The following ATG10 variants were observed in gnomAD, a reference collection of about 807,000 sequenced individuals.
ATG10 encodes the protein ubiquitin-like-conjugating enzyme ATG10.
Under a neutral mutation model 32.1 loss-of-function variants are expected in ATG10, and 30 were observed. The observed-to-expected ratio is 0.94, with a 90% CI of 0.70 to 1.27. The LOEUF is 1.27. ATG10 is among the 50% of genes most tolerant of loss of function. The pLI, the probability that ATG10 is intolerant of heterozygous loss-of-function variation, is 0.00. For synonymous variants in ATG10, 87 were observed against 91.5 expected (o/e 0.95, Z 0.28); for missense variants, 233 against 262.3 (o/e 0.89, Z 0.77).
chr5:82,044,229 C>T (rs184691028), intron 2 of ATG10, among the ~76,000 whole-genome samples: 3 of 152,084 alleles, frequency 2.0e-5, no homozygotes, highest in Admixed American at 1.3e-4. Flanking sequence ...GGAGAGAGAG[C>T]GAGCAAAGGG....
chr5:81,975,957 A>T (rs1035721746), intron 1 of ATG10, among the ~76,000 whole-genome samples: 3 of 151,720 alleles, frequency 2.0e-5, no homozygotes, highest in Admixed American at 2.0e-4. Flanking sequence ...TTATACTGAA[A>T]ATATACTGTG....
chr5:82,245,903 C>T (rs773070304), intron 5 of ATG10, among the ~76,000 whole-genome samples: 14 of 151,700 alleles, frequency 9.2e-5, no homozygotes, highest in Non-Finnish European at 1.9e-4. Flanking sequence ...ACAATTTAAC[C>T]GTGTAAATTA....
At chr5:82,030,253 C>G (rs1762709270) in intron 2 of ATG10, among the ~76,000 whole-genome samples, 1 of 152,134 alleles carries the variant, frequency 6.6e-6, no homozygotes, top group South Asian at 2.1e-4. Flanking sequence ...AATATTTAGT[C>G]TGCAGCAGCC....
chr5:82,013,408 T>G (rs887161694), intron 2 of ATG10, among the ~76,000 whole-genome samples: 2 of 152,236 alleles, frequency 1.3e-5, no homozygotes, highest in Admixed American at 6.5e-5. Flanking sequence ...TTTGTTCCTT[T>G]TTATGACTGA....
At chr5:82,114,728 G>T (rs1288110196) in intron 3 of ATG10, among the ~76,000 whole-genome samples, 4 of 151,956 alleles carry the variant, frequency 2.6e-5, no homozygotes, top group Non-Finnish European at 4.4e-5. Context: ...CGGCATCTTC[G>T]GTTTACAGTG....
intron 3 of ATG10, among the ~76,000 whole-genome samples, chr5:82,085,035 G>A (rs1489048903): frequency 5.3e-5 from 8 of 152,098 alleles, no homozygotes; most frequent in Non-Finnish European, 1.0e-4. Context: ...ACACAGACTG[G>A]CAAATTGGAT....
intron 5 of ATG10, among the ~76,000 whole-genome samples, chr5:82,179,411 G>A (rs115847290): frequency 1.5e-3 from 226 of 152,156 alleles, no homozygotes; most frequent in African/African-American, 5.0e-3. Flanking sequence ...AGATGATTTG[G>A]CTTATGTAAT....
chr5:82,115,199 C>T (rs948248359), intron 3 of ATG10, among the ~76,000 whole-genome samples: 5 of 151,798 alleles, frequency 3.3e-5, no homozygotes, highest in African/African-American at 4.8e-5. Flanking sequence ...GTTTAAAAGG[C>T]GTTTTTGAGG....
intron 2 of ATG10, among the ~76,000 whole-genome samples, chr5:82,044,398 A>G (rs1442540438): frequency 6.6e-6 from 1 of 152,072 alleles, no homozygotes; most frequent in Non-Finnish European, 1.5e-5. Flanking sequence ...AATCCAAACT[A>G]TATCATGGTC....
chr5:82,108,431 AT>A (rs1765506150), intron 3 of ATG10, among the ~76,000 whole-genome samples: 1 of 151,884 alleles, frequency 6.6e-6, no homozygotes, highest in African/African-American at 2.4e-5. Flanking sequence ...CTTATATAAT[AT>A]TTATGTACAT....
chr5:82,160,047 G>A (rs145321592), intron 3 of ATG10, among the ~76,000 whole-genome samples: 9 of 152,184 alleles, frequency 5.9e-5, no homozygotes, highest in African/African-American at 1.9e-4. Flanking sequence ...TGTACTCATT[G>A]TGTGTGTCTG....
intron 3 of ATG10, among the ~76,000 whole-genome samples, chr5:82,137,078 C>T (rs1349077296): frequency 6.6e-6 from 1 of 152,074 alleles, no homozygotes; most frequent in Non-Finnish European, 1.5e-5. Flanking sequence ...TTGTGTTCTT[C>T]TCTAAACTCG....
chr5:82,074,098 T>C (rs986843020), intron 3 of ATG10, among the ~76,000 whole-genome samples: 7 of 152,316 alleles, frequency 4.6e-5, no homozygotes, highest in Admixed American at 3.9e-4. Context: ...ATAGTGCCTA[T>C]TATAAATCAC....
chr5:82,009,816 G>T (rs527274651), intron 2 of ATG10: 16 of 1,606,072 alleles, frequency 1.0e-5, no homozygotes, highest in Non-Finnish European at 1.2e-5. Context: ...GCCAGGACCT[G>T]TATGCTTTAG....
intron 2 of ATG10, among the ~76,000 whole-genome samples, chr5:82,042,612 A>G (rs558846238): frequency 6.6e-6 from 1 of 152,314 alleles, no homozygotes; most frequent in East Asian, 1.9e-4. Context: ...GTAAAATAAA[A>G]AACTAATTAC....
intron 1 of ATG10, chr5:81,973,414 C>T (rs1760783641): frequency 6.6e-6 from 1 of 152,222 alleles, no homozygotes; most frequent in African/African-American, 2.4e-5. Context: ...AGGCGTCAGC[C>T]ACCGCGCCCG....
At chr5:82,140,644 T>G (rs1581734723) in intron 3 of ATG10, among the ~76,000 whole-genome samples, 1 of 40,314 alleles carries the variant, frequency 2.5e-5, no homozygotes, top group African/African-American at 9.0e-5. Flanking sequence ...GTCCGGGAGG[T>G]GAGGGGCGCC....
rs890438442 is a variant in ATG10 at position 82,157,684 on chromosome 5, G to C, written c.217-6715G>C. ...AGTGGTTTATCAGAAGGCTTCATCA[G>C]TCGTTATCACTTCTGAAAATATTAA... is the stretch of plus-strand genomic sequence containing the variant. On this transcript the variant is annotated intron_variant, in intron 3 of 7. Transcript: ENST00000282185. Among the ~76,000 whole-genome samples, 14 of 152,304 alleles carry C rather than the reference G, an allele frequency of 9.2e-5. 1 individual carries two copies. The Middle Eastern group carries it at 0.017, about 185-fold the overall frequency.
chr5:82,238,183 G>T (rs1186492208), intron 5 of ATG10, among the ~76,000 whole-genome samples: 1 of 152,182 alleles, frequency 6.6e-6, no homozygotes, highest in Non-Finnish European at 1.5e-5. Flanking sequence ...ATAGCAGGGA[G>T]TGTCTCATTT....
Sources: allele counts gnomAD v4.1 joint callset (sites outside exome capture counted in the v4.1 genomes callset), GRCh38; gene constraint gnomAD v4.1.1; transcripts MANE v1.5; gene names NCBI Gene and HGNC (gene_info 2026-07-23, HGNC 2026-07-21).